Variants in RAPGEF6 observed in about 807,000 individuals in gnomAD.
RAPGEF6 encodes the protein Rap guanine nucleotide exchange factor 6, also known as PDZ domain containing guanine nucleotide exchange factor (GEF) 2.
Under a neutral mutation model 171.4 loss-of-function variants are expected in RAPGEF6, and 56 were observed. That is an observed-to-expected ratio of 0.33 (90% CI 0.26 to 0.41). The LOEUF is 0.41. RAPGEF6 is among the 10% of genes least tolerant of loss of function. The pLI is 1.00. For missense variants in RAPGEF6, 1,674 were observed against 1,921.4 expected (o/e 0.87, Z 2.41); for synonymous variants, 692 against 650.1 (o/e 1.06, Z -0.98).
chr5:131,461,857 C>T lies in RAPGEF6; in HGVS notation c.2712G>A (p.Glu904=), dbSNP rs1440477775. Residue 904 remains glutamate (E), a synonymous_variant, in exon 19 of 28, where the codon GAG becomes GAA. Coordinates refer to ENST00000509018, the MANE Select transcript of RAPGEF6 (RefSeq NM_016340.6). ...KTGNTHLKRF[E]DIVNQETFWV... is the part of the protein sequence containing the mutation. ...AGAATGTCTCTTGGTTTACAATGTCCTCAAACCTCTTCAAATGAGTATTTC... is the reference window on the plus strand; with the variant it reads ...AGAATGTCTCTTGGTTTACAATGTCTTCAAACCTCTTCAAATGAGTATTTC... The T allele has an allele frequency of 6.2e-7, 1 of 1,614,048 alleles. No homozygotes were observed. The highest frequency in any genetic ancestry group is 1.7e-5 in the Admixed American group (1 of 59,998).
At chr5:131,512,603 AAT>A (rs1339093178) in intron 7 of RAPGEF6, among the ~76,000 whole-genome samples, 1 of 152,138 alleles carries the variant, frequency 6.6e-6, no homozygotes, top group African/African-American at 2.4e-5. Context: ...AGCTTTAAGT[AAT>A]AGTCATTTAA....
chr5:131,492,832 T>G, intron 13 of RAPGEF6, 47 bp from the exon 14 acceptor site: 2 of 1,531,094 alleles, frequency 1.3e-6, no homozygotes. Context: ...TCTATTCCTA[T>G]AGGTTTTTAA....
intron 7 of RAPGEF6, 80 bp from the exon 8 acceptor site, chr5:131,510,571 C>T: frequency 1.5e-6 from 2 of 1,324,618 alleles, no homozygotes; most frequent in Non-Finnish European, 2.1e-6. Context: ...CAAAACTACC[C>T]ATCCCTACAA....
chr5:131,617,105 T>G (rs992148210), intron 1 of RAPGEF6, among the ~76,000 whole-genome samples: 1 of 152,180 alleles, frequency 6.6e-6, no homozygotes, highest in African/African-American at 2.4e-5. Flanking sequence ...TAATGAAAAG[T>G]TATGCTGAGG....
Position 131,424,407 on chromosome 5 carries a change from A to T in RAPGEF6, c.*2859T>A, listed in dbSNP as rs1415975032. On this transcript the variant is annotated 3_prime_UTR_variant, in exon 28 of 28. Transcript: ENST00000509018. ...GCCTTTAAGGTAATGCTGAAGGAAT[A>T]CATATACTTTAATATCACCTTTTTT... is the stretch of plus-strand genomic sequence containing the variant. The T allele has an allele frequency of 1.3e-5, 2 of 152,386 alleles. No individual in the cohort carries two copies. Among genetic ancestry groups the T allele is most frequent in the Non-Finnish European group, 2.9e-5 (2 of 68,034 alleles). The allele number at this position is 152,386 out of a possible 1,614,324, so 9.4% of individuals were successfully genotyped here.
chr5:131,559,059 G>A (rs962296764), intron 5 of RAPGEF6, among the ~76,000 whole-genome samples: 5 of 152,042 alleles, frequency 3.3e-5, no homozygotes, highest in Admixed American at 6.6e-5. Flanking sequence ...CAGGCAAAGC[G>A]GCTCACACCT....
chr5:131,505,310 C>G, intron 10 of RAPGEF6, 54 bp downstream of exon 10: 1 of 1,568,330 alleles, frequency 6.4e-7, no homozygotes, highest in African/African-American at 1.4e-5. Flanking sequence ...ACAAAACAGG[C>G]TCAGCTACTT....
intron 5 of RAPGEF6, among the ~76,000 whole-genome samples, chr5:131,556,737 T>C (rs1303072079): frequency 6.6e-6 from 1 of 152,156 alleles, no homozygotes; most frequent in Non-Finnish European, 1.5e-5. Context: ...TTCTTTTAAA[T>C]GGCACAAAAT....
chr5:131,553,596 CAAAAT>C (rs988006417), intron 5 of RAPGEF6, among the ~76,000 whole-genome samples: 7 of 151,122 alleles, frequency 4.6e-5, no homozygotes, highest in African/African-American at 1.7e-4. Flanking sequence ...TTTTAGCAGA[CAAAAT>C]AAAAATATAA....
chr5:131,472,689 T>C lies in RAPGEF6; in HGVS notation c.2137A>G (p.Arg713Gly), dbSNP rs1754832340. 1 of 1,612,650 alleles carries C rather than the reference T, an allele frequency of 6.2e-7. No individual in the cohort carries two copies. Among genetic ancestry groups the C allele is most frequent in the African/African-American group, 1.3e-5 (1 of 74,886 alleles). ...DDSIVGTRHC[R>G]HSLAIMPIPG... ...ATGGGCATTATAGCCAGACTATGCCTACAGTGCCTTGTTCCCACAATGCTG... is the reference window on the plus strand; with the variant it reads ...ATGGGCATTATAGCCAGACTATGCCCACAGTGCCTTGTTCCCACAATGCTG... The change falls in exon 17 of 28, where the codon AGG (arginine) becomes GGG (glycine). Residue 713 changes from arginine (R) to glycine (G), a missense_variant. Arg to Gly is a moderately radical substitution (Grantham distance 125, BLOSUM62 -2). Around this residue, in one of 3 missense-constraint regions of RAPGEF6, gnomAD observed 1,116 missense variants for 1,321.5 expected, o/e 0.84. Coordinates refer to ENST00000509018, the MANE Select transcript of RAPGEF6 (RefSeq NM_016340.6).
At chr5:131,499,088 G>A (rs865824688) in intron 11 of RAPGEF6, among the ~76,000 whole-genome samples, 1 of 152,164 alleles carries the variant, frequency 6.6e-6, no homozygotes, top group African/African-American at 2.4e-5. Context: ...TTCTGACCAG[G>A]CTGTAGGAAG....
At chr5:131,508,525 T>C (rs1221797445) in intron 8 of RAPGEF6, among the ~76,000 whole-genome samples, 1 of 152,218 alleles carries the variant, frequency 6.6e-6, no homozygotes, top group African/African-American at 2.4e-5. Flanking sequence ...TGGGTTTAGT[T>C]ATGGCCTTTG....
At chr5:131,608,276 T>C (rs1262451702) in intron 1 of RAPGEF6, among the ~76,000 whole-genome samples, 1 of 152,210 alleles carries the variant, frequency 6.6e-6, no homozygotes, top group Non-Finnish European at 1.5e-5. Flanking sequence ...CTGTTAACCC[T>C]GGATAAGAAT....
At chr5:131,580,185 G>A (rs573055548) in intron 4 of RAPGEF6, among the ~76,000 whole-genome samples, 305 of 152,334 alleles carry the variant, frequency 2.0e-3, no homozygotes, top group African/African-American at 6.8e-3. Flanking sequence ...CCCATGGAGA[G>A]GCAGCTGAGG....
chr5:131,545,516 AC>A (rs551104205), intron 6 of RAPGEF6, among the ~76,000 whole-genome samples: 28 of 152,294 alleles, frequency 1.8e-4, no homozygotes, highest in African/African-American at 6.0e-4. Flanking sequence ...GACATAAAGA[AC>A]CCTATAAAGG....
At chr5:131,598,109 C>T (rs956787517) in intron 3 of RAPGEF6, among the ~76,000 whole-genome samples, 4 of 151,840 alleles carry the variant, frequency 2.6e-5, no homozygotes, top group Non-Finnish European at 5.9e-5. Flanking sequence ...AAAAGGAAAA[C>T]AGATGATGGA....
chr5:131,578,427 C>T (rs1003305499), intron 4 of RAPGEF6, among the ~76,000 whole-genome samples: 3 of 152,162 alleles, frequency 2.0e-5, no homozygotes, highest in African/African-American at 7.2e-5. Context: ...TCCAAACCTC[C>T]TTTAATAGCC....
intron 6 of RAPGEF6, among the ~76,000 whole-genome samples, chr5:131,531,220 C>A (rs2149924942): frequency 6.6e-6 from 1 of 152,256 alleles, no homozygotes; most frequent in East Asian, 1.9e-4. Context: ...TGATTTCAGA[C>A]CATACTAAGA....
chr5:131,563,818 C>T (rs1452613812), intron 4 of RAPGEF6, among the ~76,000 whole-genome samples: 1 of 152,048 alleles, frequency 6.6e-6, no homozygotes, highest in Non-Finnish European at 1.5e-5. Flanking sequence ...CTTGTTTTTT[C>T]TTAAGCAGAA....
Sources: gnomAD v4.1 joint callset for allele counts (sites outside exome capture counted in the v4.1 genomes callset) on GRCh38, gnomAD v4.1.1 for gene constraint, gnomAD v4.1.1 regional missense constraint, MANE v1.5 for transcripts, NCBI Gene and HGNC (gene_info 2026-07-23, HGNC 2026-07-21) for gene names.